Variants in ZNF462 observed in about 807,000 individuals in gnomAD.
ZNF462 encodes zinc finger protein 462.
ZNF462 carries 10 observed loss-of-function variants against 201.9 expected under a neutral mutation model. The observed-to-expected ratio is 0.05, with a 90% confidence interval of 0.03 to 0.08. ZNF462 has a LOEUF of 0.08. Among genes scored for constraint, ZNF462 ranks in the 10% least tolerant of loss-of-function variants. The probability of loss-of-function intolerance (pLI) is 1.00; values close to 1 mark genes in which losing one functional copy is unlikely to be tolerated. For missense variants in ZNF462, 2,523 were observed against 3,168.3 expected (o/e 0.80, Z 4.89); for synonymous variants, 1,227 against 1,193.3 (o/e 1.03, Z -0.58).
At chr9:106,911,671 T>C (rs759975757) in intron 1 of ZNF462, among the ~76,000 whole-genome samples, 9 of 152,196 alleles carry the variant, frequency 5.9e-5, no homozygotes, top group Non-Finnish European at 1.3e-4. Context: ...GTGTTCTACA[T>C]GGAGGAAAAC....
intron 7 of ZNF462, among the ~76,000 whole-genome samples, chr9:106,965,104 G>C (rs933822969): frequency 1.3e-5 from 2 of 152,044 alleles, no homozygotes; most frequent in African/African-American, 2.4e-5. Flanking sequence ...AGTTCTGTTC[G>C]GATTGCTGGG....
rs1046865984 is a variant in ZNF462, at chr9:106,978,320, C to T, written c.6832+4047C>T. ...TTTGCAGAATGTTATTAGACATTTC[C>T]GGGGTCCTGAAGAGAATAGGAAGCA... On this transcript the variant is annotated intron_variant, in intron 9 of 12. Transcript: ENST00000277225. The surrounding 1 kb of genome is among the most constrained non-coding windows in gnomAD (Gnocchi z 4.1). Among the ~76,000 whole-genome samples, 1 of 151,436 alleles carries T rather than the reference C, an allele frequency of 6.6e-6. No individual in the cohort carries two copies. The highest frequency in any genetic ancestry group is 1.5e-5 in the Non-Finnish European group (1 of 68,016).
chr9:106,874,082 G>A (rs146185327), intron 1 of ZNF462, among the ~76,000 whole-genome samples: 64 of 152,226 alleles, frequency 4.2e-4, no homozygotes, highest in Non-Finnish European at 8.2e-4. Context: ...TATAAAAACC[G>A]TTATTTTCTT....
At chr9:106,869,119 A>G (rs1330685262) in intron 1 of ZNF462, among the ~76,000 whole-genome samples, 1 of 152,170 alleles carries the variant, frequency 6.6e-6, no homozygotes, top group Non-Finnish European at 1.5e-5. Flanking sequence ...GCAACTTACA[A>G]TAGTGCCCAC....
In ZNF462 at chr9:106,880,309, G is replaced by T. The variant is rs1434717816; in HGVS notation, c.-31+16954G>T. Among the ~76,000 whole-genome samples the T allele has an allele frequency of 6.6e-6, 1 of 152,244 alleles. No homozygotes were observed. Among genetic ancestry groups the T allele is most frequent in the Non-Finnish European group, 1.5e-5 (1 of 68,036 alleles). Reference sequence around the variant, plus strand: ...CTGTCTGGGCCTGTGCAGTCCAGGAGCTGGGACAGACTGAACAGTTTGCCT... The same window carrying T: ...CTGTCTGGGCCTGTGCAGTCCAGGATCTGGGACAGACTGAACAGTTTGCCT... On this transcript the variant is annotated intron_variant, in intron 1 of 12. Transcript: ENST00000277225. This position sits in a 1 kb window ranked among gnomAD's most constrained non-coding sequence, Gnocchi z 4.1.
intron 1 of ZNF462, among the ~76,000 whole-genome samples, chr9:106,903,916 T>G (rs1374916526): frequency 6.6e-6 from 1 of 152,250 alleles, no homozygotes; most frequent in East Asian, 1.9e-4. Context: ...GCCATTTACA[T>G]TCAATATCAG....
At position 107,010,724 on chromosome 9, in the gene ZNF462, A is replaced by G. The variant is rs1473535406; in HGVS notation, c.7314-99A>G. The G allele has an allele frequency of 4.2e-6, 5 of 1,200,738 alleles. No homozygotes were observed. The Admixed American group carries it at 8.7e-5, about 21-fold the overall frequency. The allele number at this position is 1,200,738 out of a possible 1,614,324, so 74.4% of individuals were successfully genotyped here. ...GAAACCCCAAGGCTTTTTGAGGATC[A>G]GGAAAATAAAGACACTCGAGGGTTT... On this transcript the variant is annotated intron_variant, in intron 12 of 12. Transcript: ENST00000277225. The surrounding 1 kb of genome is among the most constrained non-coding windows in gnomAD (Gnocchi z 4.6).
intron 10 of ZNF462, among the ~76,000 whole-genome samples, chr9:107,002,956 A>G (rs1173039267): frequency 6.6e-6 from 1 of 152,202 alleles, no homozygotes. Context: ...TTTGAATTCA[A>G]CTACAAAAAA....
chr9:106,935,757 AT>A lies in ZNF462; in HGVS notation c.6235+141del. ...TTGGGATGGATGTATATTCAGTTTT[AT>A]TTTTACCTAGTAAAGAAAAAATAAA... is the stretch of plus-strand genomic sequence containing the variant. On this transcript the variant is annotated intron_variant, in intron 6 of 12. Coordinates refer to ENST00000277225, the MANE Select transcript of ZNF462 (RefSeq NM_021224.6). This position sits in a 1 kb window ranked among gnomAD's most constrained non-coding sequence, Gnocchi z 4.1. The A allele has an allele frequency of 1.6e-6, 1 of 613,148 alleles. No homozygotes were observed. The highest frequency in any genetic ancestry group is 2.6e-6 in the Non-Finnish European group (1 of 381,884). 38.0% of individuals were successfully genotyped at this position (613,148 alleles called of 1,614,324 possible). A position where few individuals can be genotyped will look rare whatever the true frequency, so the allele number is the denominator to read the frequency against.
chr9:106,904,758 G>A (rs1829197439), intron 1 of ZNF462, among the ~76,000 whole-genome samples: 1 of 152,142 alleles, frequency 6.6e-6, no homozygotes, highest in African/African-American at 2.4e-5. Context: ...AAAGTTTTCT[G>A]AATTTTTGAT....
Position 106,924,912 on chromosome 9 carries a change from T to C in ZNF462, c.1000T>C (p.Ser334Pro). The change falls in exon 3 of 13, where the codon TCA (serine) becomes CCA (proline). Residue 334 changes from serine (S) to proline (P), a missense_variant. Coordinates refer to ENST00000277225, the MANE Select transcript of ZNF462 (RefSeq NM_021224.6). The surrounding 1 kb of genome is among the most constrained non-coding windows in gnomAD (Gnocchi z 6.2). The stretch of plus-strand genomic sequence containing the variant: ...CAACTCCATCATGAGACCCAATTCT[T>C]CAGCTTCCAAGTTTTCGCCCATGTC... Reference protein sequence around the residue: ...MGNSIMRPNSSASKFSPMSYP... With the variant: ...MGNSIMRPNSPASKFSPMSYP... 6.2e-7 allele frequency: 1 copy of C among 1,614,192 alleles called. No homozygotes were observed. Among genetic ancestry groups the C allele is most frequent in the East Asian group, 2.2e-5 (1 of 44,882 alleles).
chr9:106,908,912 T>TAC (rs1351042408), intron 1 of ZNF462, among the ~76,000 whole-genome samples: 181 of 12,956 alleles, frequency 0.014, no homozygotes, highest in Non-Finnish European at 0.022. Context: ...CATATATACA[T>TAC]ATATATATAT....
At chr9:106,909,386 A>C (rs1170922286) in intron 1 of ZNF462, among the ~76,000 whole-genome samples, 1 of 152,018 alleles carries the variant, frequency 6.6e-6, no homozygotes, top group Non-Finnish European at 1.5e-5. Flanking sequence ...AGGAATTATA[A>C]TTTTATTTTG....
In ZNF462 at chr9:106,984,349, C is replaced by T. The variant is rs751720359; in HGVS notation, c.6996C>T (p.Leu2332=). 6.2e-7 allele frequency: 1 copy of T among 1,614,092 alleles called. No homozygotes were observed. Among genetic ancestry groups the T allele is most frequent in the Non-Finnish European group, 8.5e-7 (1 of 1,179,976 alleles). ...AACTGAAACCTTACAAATGCCAGCT[C>T]TGCTACTATGAGACCAAGCACACGG... ...HNELKPYKCQ[L]CYYETKHTEE... The change falls in exon 10 of 13, where the codon CTC becomes CTT. Residue 2332 remains leucine (L), a synonymous_variant. Transcript: ENST00000277225. This position sits in a 1 kb window ranked among gnomAD's most constrained non-coding sequence, Gnocchi z 6.4.
rs1011431511 is a variant in ZNF462, at chr9:107,005,186, A to G, written c.7189+1760A>G. Among the ~76,000 whole-genome samples the G allele has an allele frequency of 6.6e-6, 1 of 152,138 alleles. No homozygotes were observed. The highest frequency in any genetic ancestry group is 2.4e-5 in the African/African-American group (1 of 41,430). On this transcript the variant is annotated intron_variant, in intron 11 of 12. Coordinates refer to ENST00000277225, the MANE Select transcript of ZNF462 (RefSeq NM_021224.6). This position sits in a 1 kb window ranked among gnomAD's most constrained non-coding sequence, Gnocchi z 4.4. ...CCCTGCAGTGAACGTGAGAGTGCAG[A>G]TATTTCTTCAATATCCTGCTTTCAT...
At position 106,997,762 on chromosome 9, in the gene ZNF462, G is replaced by A. The variant is rs554532177; in HGVS notation, c.7057-5532G>A. On this transcript the variant is annotated intron_variant, in intron 10 of 12. Transcript: ENST00000277225. ...GTCTGTTGAGTAGACCACTTGGTAC[G>A]TTAGGGGTTGGCAAACTATGATGCA... Among the ~76,000 whole-genome samples the A allele has an allele frequency of 3.9e-5, 6 of 152,232 alleles. No individual in the cohort carries two copies. The East Asian group carries it at 7.7e-4, about 20-fold the overall frequency.
chr9:107,011,501 A>C lies in ZNF462; in HGVS notation c.*471A>C, dbSNP rs1207459760. On this transcript the variant is annotated 3_prime_UTR_variant, in exon 13 of 13. Transcript: ENST00000277225. This position sits in a 1 kb window ranked among gnomAD's most constrained non-coding sequence, Gnocchi z 5.6. ...CTTTGGGAAAAAAAAACAAAAAACA[A>C]AAAACAGAAAACAAAAAAAAAAAAA... The C allele has an allele frequency of 6.7e-6, 1 of 149,338 alleles. No individual in the cohort carries two copies. The highest frequency in any genetic ancestry group is 1.5e-5 in the Non-Finnish European group (1 of 68,650). The allele number at this position is 149,338 out of a possible 1,614,324, so 9.3% of individuals were successfully genotyped here.
chr9:106,861,469 G>A (rs1438059085), upstream of ZNF462, among the ~76,000 whole-genome samples: 1 of 152,184 alleles, frequency 6.6e-6, no homozygotes, highest in East Asian at 1.9e-4. Context: ...GCTCCTCAAT[G>A]CAAAGGAATC....
chr9:106,904,724 T>C (rs1054244128), intron 1 of ZNF462, among the ~76,000 whole-genome samples: 2 of 152,236 alleles, frequency 1.3e-5, no homozygotes, highest in Non-Finnish European at 2.9e-5. Flanking sequence ...TTACAGAGCA[T>C]TTTGCATTTC....
Sources: allele counts gnomAD v4.1 joint callset (sites outside exome capture counted in the v4.1 genomes callset), GRCh38; gene constraint gnomAD v4.1.1; non-coding constraint Gnocchi (gnomAD v3.1); transcripts MANE v1.5; gene names NCBI Gene and HGNC (gene_info 2026-07-23, HGNC 2026-07-21).